Variants in GPC5 observed in about 807,000 individuals in gnomAD.
GPC5 encodes glypican-5.
A neutral mutation model predicts 53.9 loss-of-function variants in GPC5; 47 were observed. That is an observed-to-expected ratio of 0.87 (90% CI 0.69 to 1.11). The LOEUF (loss-of-function observed/expected upper bound fraction) is 1.11. Ranked by LOEUF, GPC5 falls within the 50% of genes most tolerant of loss-of-function variation. The probability of loss-of-function intolerance (pLI) is 0.00; values close to 1 mark genes in which losing one functional copy is unlikely to be tolerated. For synonymous variants in GPC5, 286 were observed against 263.3 expected, an observed-to-expected ratio of 1.09 and a Z score of -0.84; for missense variants, 748 against 713.1, an observed-to-expected ratio of 1.05 and a Z score of -0.56.
intron 7 of GPC5, among the ~76,000 whole-genome samples, chr13:92,693,777 G>A (rs1322602292): frequency 1.5e-4 from 23 of 152,114 alleles, no homozygotes; most frequent in Admixed American, 1.5e-3. Flanking sequence ...ATTTTCTGGG[G>A]AGAAATTCAA....
At chr13:92,582,141 G>T (rs1448827451) in intron 7 of GPC5, among the ~76,000 whole-genome samples, 1 of 151,912 alleles carries the variant, frequency 6.6e-6, no homozygotes, top group Non-Finnish European at 1.5e-5. Context: ...ATATAGTTTT[G>T]CCCCTATACT....
chr13:91,430,126 C>T (rs1159941878), intron 1 of GPC5, among the ~76,000 whole-genome samples: 2 of 152,068 alleles, frequency 1.3e-5, no homozygotes, highest in African/African-American at 4.8e-5. Flanking sequence ...CCCAGGGCTA[C>T]CATGGAGACT....
At chr13:92,842,133 C>T (rs1330339884) in intron 7 of GPC5, among the ~76,000 whole-genome samples, 2 of 152,102 alleles carry the variant, frequency 1.3e-5, no homozygotes, top group Non-Finnish European at 2.9e-5. Flanking sequence ...CTTTCACATA[C>T]ACAAATATAT....
chr13:91,937,810 G>A (rs1230275964), intron 6 of GPC5, among the ~76,000 whole-genome samples: 2 of 151,986 alleles, frequency 1.3e-5, no homozygotes, highest in Admixed American at 1.3e-4. Context: ...ATGGCTCAAA[G>A]ATCTAAGACA....
intron 6 of GPC5, among the ~76,000 whole-genome samples, chr13:91,946,481 AC>A (rs1204538092): frequency 2.0e-5 from 3 of 152,136 alleles, no homozygotes; most frequent in Admixed American, 6.5e-5. Context: ...TTCAAAAAAA[AC>A]GATAAGAATA....
chr13:91,767,237 G>C (rs949479435), intron 5 of GPC5, among the ~76,000 whole-genome samples: 2 of 152,138 alleles, frequency 1.3e-5, no homozygotes, highest in African/African-American at 2.4e-5. Flanking sequence ...TGGTTATTTT[G>C]TTGGATCTGA....
intron 6 of GPC5, among the ~76,000 whole-genome samples, chr13:92,131,663 G>A (rs549615216): frequency 2.6e-5 from 4 of 151,826 alleles, no homozygotes; most frequent in Non-Finnish European, 2.9e-5. Flanking sequence ...TGTAAACAGA[G>A]GTCAGTATAG....
At chr13:92,115,799 G>A (rs1292435994) in intron 6 of GPC5, among the ~76,000 whole-genome samples, 1 of 152,160 alleles carries the variant, frequency 6.6e-6, no homozygotes, top group East Asian at 1.9e-4. Context: ...GGCTGATTGT[G>A]GTGCACCCCC....
At chr13:91,602,550 A>G (rs773614165) in intron 2 of GPC5, among the ~76,000 whole-genome samples, 5 of 152,258 alleles carry the variant, frequency 3.3e-5, no homozygotes, top group South Asian at 2.1e-4. Flanking sequence ...CAAAGTTATT[A>G]TCAATTTAAA....
At chr13:92,008,663 T>C (rs1039458204) in intron 6 of GPC5, among the ~76,000 whole-genome samples, 4 of 152,232 alleles carry the variant, frequency 2.6e-5, no homozygotes, top group African/African-American at 7.2e-5. Flanking sequence ...AAGCCGGCAG[T>C]AATTCTTGTC....
intron 6 of GPC5, among the ~76,000 whole-genome samples, chr13:91,925,105 T>C (rs2039754742): frequency 6.6e-6 from 1 of 152,294 alleles, no homozygotes. Flanking sequence ...AGGCGTGAGC[T>C]ACTGTGCCCG....
At chr13:92,336,950 T>G (rs911549580) in intron 7 of GPC5, among the ~76,000 whole-genome samples, 2 of 152,098 alleles carry the variant, frequency 1.3e-5, no homozygotes, top group African/African-American at 4.8e-5. Flanking sequence ...AATTGCCTTT[T>G]ATAAAACCAA....
chr13:92,478,018 T>C (rs901725270), intron 7 of GPC5, among the ~76,000 whole-genome samples: 2 of 152,284 alleles, frequency 1.3e-5, no homozygotes, highest in African/African-American at 4.8e-5. Context: ...TTTAGAACTT[T>C]GTTGTTCATA....
chr13:91,968,983 T>G (rs1428948635), intron 6 of GPC5, among the ~76,000 whole-genome samples: 1 of 152,122 alleles, frequency 6.6e-6, no homozygotes, highest in African/African-American at 2.4e-5. Context: ...TTATTTTTCT[T>G]TTGAGATGGA....
At chr13:91,891,069 T>A (rs1389571955) in intron 5 of GPC5, among the ~76,000 whole-genome samples, 1 of 152,160 alleles carries the variant, frequency 6.6e-6, no homozygotes, top group Non-Finnish European at 1.5e-5. Flanking sequence ...GCTGTTCCCA[T>A]TTTTGGTAAT....
chr13:92,458,894 T>C (rs530617042), intron 7 of GPC5, among the ~76,000 whole-genome samples: 2 of 152,318 alleles, frequency 1.3e-5, no homozygotes, highest in African/African-American at 4.8e-5. Context: ...AAACACCTTA[T>C]GCAACAATGC....
At chr13:91,973,083 C>T (rs1314528355) in intron 6 of GPC5, among the ~76,000 whole-genome samples, 1 of 152,184 alleles carries the variant, frequency 6.6e-6, no homozygotes. Flanking sequence ...GTTCCATTCT[C>T]CCCGTCACTT....
intron 7 of GPC5, among the ~76,000 whole-genome samples, chr13:92,156,870 TTTAATA>T (rs1446826777): frequency 2.0e-5 from 3 of 152,072 alleles, no homozygotes; most frequent in Non-Finnish European, 4.4e-5. Context: ...AATTACTATT[TTTAATA>T]TTAATATTAA....
chr13:92,144,534 G>T (rs1321365867), intron 6 of GPC5, among the ~76,000 whole-genome samples: 1 of 152,112 alleles, frequency 6.6e-6, no homozygotes, highest in East Asian at 1.9e-4. Context: ...AGAAACAAAG[G>T]ATCCTCTAGA....
Sources: gnomAD v4.1 joint callset for allele counts (sites outside exome capture counted in the v4.1 genomes callset) on GRCh38, gnomAD v4.1.1 for gene constraint, MANE v1.5 for transcripts, NCBI Gene and HGNC (gene_info 2026-07-23, HGNC 2026-07-21) for gene names.